COL5A2: variants seen among roughly 807,000 people sequenced by gnomAD.
COL5A2 encodes collagen alpha-2(V) chain.
In COL5A2, 23 loss-of-function variants were observed where a neutral mutation model predicts 208.2. The ratio of observed to expected loss-of-function variants is 0.11; its 90% CI spans 0.08 to 0.16. The LOEUF (loss-of-function observed/expected upper bound fraction) is 0.16, where lower values mean the gene tolerates loss of function less well. COL5A2 is among the 10% of genes least tolerant of loss of function. The pLI, the probability that COL5A2 is intolerant of heterozygous loss-of-function variation, is 1.00. For missense variants in COL5A2, 1,590 were observed against 1,956.4 expected (o/e 0.81, Z 3.53); for synonymous variants, 625 against 628.5 (o/e 0.99, Z 0.08).
intron 31 of COL5A2, 113 bp downstream of exon 31, chr2:189,060,617 G>T: frequency 2.2e-6 from 2 of 895,534 alleles, no homozygotes; most frequent in Non-Finnish European, 3.7e-6. Flanking sequence ...GCTGCTTTGA[G>T]AACTCAAAGA....
At chr2:189,432,133 C>T in the COL5A2 span, among the ~76,000 whole-genome samples, 1,911 of 152,192 alleles carry the variant, frequency 0.013, 21 homozygotes, top group Admixed American at 0.025. Flanking sequence ...AATCCTTTAC[C>T]GACAAGCAAA....
At chr2:189,115,908 T>C (rs1687379796) in intron 1 of COL5A2, among the ~76,000 whole-genome samples, 1 of 152,198 alleles carries the variant, frequency 6.6e-6, no homozygotes, top group South Asian at 2.1e-4. Context: ...AGGAACCCTT[T>C]TTTGAATGAA....
intron 1 of COL5A2, among the ~76,000 whole-genome samples, chr2:189,171,057 TC>T (rs762213053): frequency 2.1e-4 from 32 of 151,964 alleles, no homozygotes; most frequent in Non-Finnish European, 4.3e-4. Flanking sequence ...TGAGAGAATG[TC>T]AGTTCTGGGT....
the COL5A2 span, among the ~76,000 whole-genome samples, chr2:189,294,838 T>A: frequency 1 from 152,277 of 152,292 alleles, 76,131 homozygotes; most frequent in Middle Eastern, 1. Flanking sequence ...TTGCTCTGTC[T>A]CAGAGGCTGG....
At chr2:189,271,592 G>A in the COL5A2 span, among the ~76,000 whole-genome samples, 1 of 152,152 alleles carries the variant, frequency 6.6e-6, no homozygotes, top group Non-Finnish European at 1.5e-5. Flanking sequence ...TCAGGACATA[G>A]GCATGGGCAA....
At chr2:189,234,120 A>G in the COL5A2 span, among the ~76,000 whole-genome samples, 1 of 151,600 alleles carries the variant, frequency 6.6e-6, no homozygotes, top group Non-Finnish European at 1.5e-5. Flanking sequence ...TATCTTTTAT[A>G]ACATTGATTA....
chr2:189,195,884 A>T (rs1688995187), intron 1 of COL5A2, among the ~76,000 whole-genome samples: 1 of 152,244 alleles, frequency 6.6e-6, no homozygotes, highest in South Asian at 2.1e-4. Context: ...ACCATTCAGG[A>T]CATAGGCATG....
At chr2:189,114,593 A>C (rs1262317587) in intron 1 of COL5A2, among the ~76,000 whole-genome samples, 1 of 151,052 alleles carries the variant, frequency 6.6e-6, no homozygotes, top group Non-Finnish European at 1.5e-5. Flanking sequence ...AAATTAACCC[A>C]AGCTGACGTC....
At chr2:189,246,342 T>A in the COL5A2 span, among the ~76,000 whole-genome samples, 1 of 151,884 alleles carries the variant, frequency 6.6e-6, no homozygotes, top group African/African-American at 2.4e-5. Context: ...AGAAAGATTA[T>A]ATCTGTAGAG....
chr2:189,327,108 A>C, the COL5A2 span, among the ~76,000 whole-genome samples: 1 of 151,382 alleles, frequency 6.6e-6, no homozygotes, highest in East Asian at 1.9e-4. Flanking sequence ...AATAAAAAAT[A>C]ATGAAAAAAT....
chr2:189,136,483 A>G (rs1446672240), intron 1 of COL5A2, among the ~76,000 whole-genome samples: 1 of 146,374 alleles, frequency 6.8e-6, no homozygotes, highest in African/African-American at 2.5e-5. Flanking sequence ...ATACACTCAC[A>G]TTTGGCATCT....
chr2:189,316,471 T>C, the COL5A2 span, among the ~76,000 whole-genome samples: 1 of 151,880 alleles, frequency 6.6e-6, no homozygotes, highest in African/African-American at 2.4e-5. Context: ...TGTTTACCTG[T>C]GTAACAAATC....
chr2:189,351,746 C>A, the COL5A2 span, among the ~76,000 whole-genome samples: 1 of 151,862 alleles, frequency 6.6e-6, no homozygotes, highest in African/African-American at 2.4e-5. Flanking sequence ...GGGGGCAGGA[C>A]GGAAGGAAGA....
intron 1 of COL5A2, among the ~76,000 whole-genome samples, chr2:189,165,683 C>T (rs1325707155): frequency 6.6e-6 from 1 of 152,134 alleles, no homozygotes; most frequent in Non-Finnish European, 1.5e-5. Flanking sequence ...GGTTAGCAAA[C>T]GGCAAAGTCT....
chr2:189,089,838 G>C (rs997756252), intron 7 of COL5A2, among the ~76,000 whole-genome samples: 1 of 152,108 alleles, frequency 6.6e-6, no homozygotes, highest in Non-Finnish European at 1.5e-5. Flanking sequence ...CAATAAACTT[G>C]ATCAATAAAT....
At chr2:189,172,614 G>A (rs1052110010) in intron 1 of COL5A2, among the ~76,000 whole-genome samples, 3 of 152,074 alleles carry the variant, frequency 2.0e-5, no homozygotes, top group African/African-American at 4.8e-5. Context: ...TAAATAGAAC[G>A]AGGACCAGAA....
chr2:189,397,721 C>T, the COL5A2 span, among the ~76,000 whole-genome samples: 3 of 151,854 alleles, frequency 2.0e-5, no homozygotes, highest in African/African-American at 7.2e-5. Flanking sequence ...TTAATAACAC[C>T]AAAGATTTAT....
chr2:189,212,638 CA>C (rs56171271), intron 1 of COL5A2, among the ~76,000 whole-genome samples: 226 of 129,142 alleles, frequency 1.8e-3, no homozygotes, highest in Admixed American at 1.6e-3. Context: ...GACTCAGTCT[CA>C]AAAAAAAAAA....
Position 189,213,378 on chromosome 2 carries a change from A to C in COL5A2, c.-42+11770T>G, listed in dbSNP as rs143842855. On this transcript the variant is annotated intron_variant, in intron 1 of 10. Coordinates refer to the COL5A2 transcript ENST00000649966. Reference sequence around the variant, plus strand: ...CAAAAGGAGAATACAGAGAAGAATAATATTCCTACAAACACTGAAAGTGTG... The same window carrying C: ...CAAAAGGAGAATACAGAGAAGAATACTATTCCTACAAACACTGAAAGTGTG... Among the ~76,000 whole-genome samples, 353 of 152,344 alleles carry C rather than the reference A, an allele frequency of 2.3e-3. 2 individuals are homozygous for C. Among genetic ancestry groups the C allele is most frequent in the African/African-American group, 8.2e-3 (340 of 41,584 alleles).
Sources: gnomAD v4.1 joint callset for allele counts (sites outside exome capture counted in the v4.1 genomes callset) on GRCh38, gnomAD v4.1.1 for gene constraint, MANE v1.5 for transcripts, NCBI Gene and HGNC (gene_info 2026-07-23, HGNC 2026-07-21) for gene names.